CA8: variants seen among roughly 807,000 people sequenced by gnomAD.
CA8 encodes carbonic anhydrase-related protein.
In CA8, 22 loss-of-function variants were observed where a neutral mutation model predicts 41.4. The ratio of observed to expected loss-of-function variants is 0.53; its 90% confidence interval spans 0.38 to 0.76. The LOEUF is 0.76. Ranked by LOEUF, CA8 falls within the 30% of genes least tolerant of loss-of-function variation. The pLI is 0.00. For missense variants in CA8, 270 were observed against 352.8 expected, an observed-to-expected ratio of 0.77 and a Z score of 1.88; for synonymous variants, 121 against 130.6, an observed-to-expected ratio of 0.93 and a Z score of 0.50.
chr8:60,224,075 TC>T (rs1477347170), intron 6 of CA8, among the ~76,000 whole-genome samples: 2 of 152,212 alleles, frequency 1.3e-5, no homozygotes, highest in Non-Finnish European at 2.9e-5. Context: ...GAAGGTTTTT[TC>T]TTTGTTTGTT....
intron 3 of CA8, among the ~76,000 whole-genome samples, chr8:60,243,448 T>A (rs368576754): frequency 3.1e-4 from 43 of 138,710 alleles, no homozygotes; most frequent in African/African-American, 1.3e-3. Context: ...AAAAAAAAAA[T>A]TCCTGGACCT....
chr8:60,239,774 C>A (rs1433881620), intron 3 of CA8, among the ~76,000 whole-genome samples: 1 of 152,158 alleles, frequency 6.6e-6, no homozygotes, highest in Non-Finnish European at 1.5e-5. Context: ...CAGTTCCCCC[C>A]ATACTGTCCT....
chr8:60,265,943 G>T lies in CA8; in HGVS notation c.399C>A (p.Phe133Leu). The T allele has an allele frequency of 6.2e-7, 1 of 1,614,090 alleles. No homozygotes were observed. The highest frequency in any genetic ancestry group is 2.2e-5 in the East Asian group (1 of 44,870). The change falls in exon 3 of 9, where the codon TTC (phenylalanine) becomes TTA (leucine). Residue 133 changes from phenylalanine to leucine, a missense_variant. By Grantham distance (22) the Phe-to-Leu change is conservative. Transcript: ENST00000317995. ...TTCTTACCTCCATGGGAAAAGCTTT[G>T]AAATTAACCGTGTGCTCAGAACCAC... ...NQRGSEHTVN[F>L]KAFPMELHLI...
chr8:60,197,135 T>C (rs941475858), intron 8 of CA8, among the ~76,000 whole-genome samples: 3 of 152,184 alleles, frequency 2.0e-5, no homozygotes, highest in Non-Finnish European at 4.4e-5. Flanking sequence ...TTTGACCTAG[T>C]AATCTCATTT....
intron 8 of CA8, among the ~76,000 whole-genome samples, chr8:60,192,138 T>C (rs1384631768): frequency 6.6e-6 from 1 of 152,142 alleles, no homozygotes; most frequent in Non-Finnish European, 1.5e-5. Context: ...GATGATCTTA[T>C]TAGCTTTACC....
chr8:60,248,738 C>CT (rs1216376248), intron 3 of CA8, among the ~76,000 whole-genome samples: 1 of 152,022 alleles, frequency 6.6e-6, no homozygotes, highest in Middle Eastern at 3.2e-3. Context: ...TATACAGGCT[C>CT]TTTTTTGGTT....
intron 3 of CA8, chr8:60,265,675 G>A (rs1220146128): frequency 2.1e-6 from 1 of 475,852 alleles, no homozygotes; most frequent in Non-Finnish European, 3.8e-6. Context: ...AGTAACACTA[G>A]GGTGAAATTT....
At chr8:60,236,209 G>A (rs930853653) in intron 3 of CA8, among the ~76,000 whole-genome samples, 3 of 152,180 alleles carry the variant, frequency 2.0e-5, no homozygotes, top group Non-Finnish European at 4.4e-5. Context: ...TAAGAGCACA[G>A]ACTGAGGTCC....
At chr8:60,256,745 TAC>T (rs1294642994) in intron 3 of CA8, among the ~76,000 whole-genome samples, 1 of 152,144 alleles carries the variant, frequency 6.6e-6, no homozygotes, top group Non-Finnish European at 1.5e-5. Flanking sequence ...CCTTGCAAAA[TAC>T]AGTGATAAAA....
At chr8:60,220,694 G>A (rs530055715) in intron 7 of CA8, among the ~76,000 whole-genome samples, 7 of 152,268 alleles carry the variant, frequency 4.6e-5, no homozygotes, top group Admixed American at 6.5e-5. Context: ...GAGCTATGGC[G>A]CCAGGAATTC....
intron 3 of CA8, among the ~76,000 whole-genome samples, chr8:60,246,611 AGAAAT>A (rs1808246460): frequency 6.6e-6 from 1 of 152,180 alleles, no homozygotes; most frequent in Admixed American, 6.5e-5. Context: ...CATTTGTGAT[AGAAAT>A]AATATCAATT....
chr8:60,281,018 C>T, intron 1 of CA8, 30 bp downstream of exon 1: 1 of 1,532,284 alleles, frequency 6.5e-7, no homozygotes. Flanking sequence ...CGCCGCGGGA[C>T]CCCGGACACC....
At chr8:60,278,765 C>T (rs754468371) in intron 2 of CA8, among the ~76,000 whole-genome samples, 6 of 152,106 alleles carry the variant, frequency 3.9e-5, no homozygotes, top group Non-Finnish European at 7.4e-5. Context: ...AAAATAAATC[C>T]ATAGCTGGAA....
intron 4 of CA8, among the ~76,000 whole-genome samples, chr8:60,230,620 C>T (rs1039320231): frequency 6.6e-6 from 1 of 151,688 alleles, no homozygotes; most frequent in Non-Finnish European, 1.5e-5. Flanking sequence ...TCCTTCCTTC[C>T]TGAAATTTTG....
chr8:60,220,902 G>A (rs1222040144), intron 7 of CA8, among the ~76,000 whole-genome samples: 13 of 152,164 alleles, frequency 8.5e-5, no homozygotes, highest in African/African-American at 2.7e-4. Flanking sequence ...TATTTTCACT[G>A]AGGGCAACTG....
intron 3 of CA8, among the ~76,000 whole-genome samples, chr8:60,240,881 A>G (rs570820806): frequency 1.8e-4 from 28 of 152,318 alleles, no homozygotes; most frequent in African/African-American, 6.7e-4. Flanking sequence ...AAAAGAAAAA[A>G]AAAGATTATA....
intron 3 of CA8, among the ~76,000 whole-genome samples, chr8:60,241,194 C>G (rs1048794726): frequency 1.3e-5 from 2 of 152,264 alleles, no homozygotes; most frequent in Middle Eastern, 3.4e-3. Flanking sequence ...CAGAGAAGGA[C>G]GTTCAAGGTG....
intron 7 of CA8, among the ~76,000 whole-genome samples, chr8:60,219,838 C>A (rs1228295034): frequency 6.8e-6 from 1 of 148,006 alleles, no homozygotes; most frequent in Admixed American, 6.8e-5. Flanking sequence ...GGAATGATAA[C>A]GGCAGTCACC....
intron 3 of CA8, among the ~76,000 whole-genome samples, chr8:60,264,406 T>C (rs7820470): frequency 0.012 from 1,788 of 152,338 alleles, 31 homozygotes; most frequent in African/African-American, 0.041. Context: ...CAGTCCAGGG[T>C]GGTCCTGCCC....
Sources: allele counts gnomAD v4.1 joint callset (sites outside exome capture counted in the v4.1 genomes callset), GRCh38; gene constraint gnomAD v4.1.1; transcripts MANE v1.5; gene names NCBI Gene and HGNC (gene_info 2026-07-23, HGNC 2026-07-21).